GALNTL6: variants seen among roughly 807,000 people sequenced by gnomAD.
GALNTL6 encodes the protein polypeptide N-acetylgalactosaminyltransferase like 6, also known as polypeptide N-acetylgalactosaminyltransferase-like 6.
In GALNTL6, 46 loss-of-function variants were observed where a neutral mutation model predicts 73.7. The observed-to-expected ratio is 0.62, with a 90% CI of 0.49 to 0.80. The LOEUF (loss-of-function observed/expected upper bound fraction) is 0.80. Among genes scored for constraint, GALNTL6 ranks in the 30% least tolerant of loss-of-function variants. The pLI is 0.00. For synonymous variants in GALNTL6, 259 were observed against 263.7 expected (o/e 0.98, Z 0.17); for missense variants, 604 against 755.0 (o/e 0.80, Z 2.34).
At chr4:171,831,274 T>A (rs913035104) in intron 2 of GALNTL6, among the ~76,000 whole-genome samples, 1 of 152,040 alleles carries the variant, frequency 6.6e-6, no homozygotes, top group Non-Finnish European at 1.5e-5. Flanking sequence ...AGGTAAAACA[T>A]GCGAAAGAGA....
At chr4:171,852,109 A>G (rs1324296095) in intron 2 of GALNTL6, among the ~76,000 whole-genome samples, 1 of 152,274 alleles carries the variant, frequency 6.6e-6, no homozygotes, top group Non-Finnish European at 1.5e-5. Flanking sequence ...ATCAGAAAAT[A>G]TCTAAAGGTA....
chr4:172,684,307 C>A (rs1732797540), intron 5 of GALNTL6, among the ~76,000 whole-genome samples: 1 of 152,156 alleles, frequency 6.6e-6, no homozygotes, highest in African/African-American at 2.4e-5. Context: ...TTCATGCATA[C>A]ATCTAGTTAT....
intron 2 of GALNTL6, among the ~76,000 whole-genome samples, chr4:171,894,747 A>C (rs1736861720): frequency 6.6e-6 from 1 of 152,184 alleles, no homozygotes; most frequent in Admixed American, 6.5e-5. Context: ...AATAGCTTCA[A>C]GTGCATTTTT....
chr4:172,328,999 C>T (rs1741033406), intron 4 of GALNTL6, among the ~76,000 whole-genome samples: 1 of 152,176 alleles, frequency 6.6e-6, no homozygotes. Flanking sequence ...GTTCCTTTAA[C>T]TGCTGGGCTG....
At chr4:172,052,998 G>A (rs967696420) in intron 2 of GALNTL6, among the ~76,000 whole-genome samples, 1 of 152,100 alleles carries the variant, frequency 6.6e-6, no homozygotes, top group Non-Finnish European at 1.5e-5. Flanking sequence ...ATGAGCACCA[G>A]GCAGCACAAT....
At chr4:172,385,691 T>C (rs1393594505) in intron 5 of GALNTL6, among the ~76,000 whole-genome samples, 2 of 152,096 alleles carry the variant, frequency 1.3e-5, no homozygotes, top group Non-Finnish European at 2.9e-5. Flanking sequence ...TGGATCATTT[T>C]TATAAAATCC....
chr4:172,362,399 T>G (rs1220548668), intron 5 of GALNTL6, among the ~76,000 whole-genome samples: 1 of 152,158 alleles, frequency 6.6e-6, no homozygotes, highest in Non-Finnish European at 1.5e-5. Context: ...ATTTATTTAA[T>G]GTAATAATTT....
chr4:171,870,593 G>C (rs963561320), intron 2 of GALNTL6, among the ~76,000 whole-genome samples: 6 of 151,976 alleles, frequency 3.9e-5, no homozygotes, highest in Admixed American at 2.0e-4. Flanking sequence ...TGTCCCTCAG[G>C]AATTCATATG....
intron 7 of GALNTL6, among the ~76,000 whole-genome samples, chr4:172,843,587 G>A (rs1743335406): frequency 6.6e-6 from 1 of 152,110 alleles, no homozygotes; most frequent in Admixed American, 6.5e-5. Flanking sequence ...CCATGCTCTG[G>A]TGTTCTGAAA....
intron 2 of GALNTL6, among the ~76,000 whole-genome samples, chr4:171,910,490 G>C (rs889608263): frequency 6.6e-6 from 1 of 151,574 alleles, no homozygotes; most frequent in Non-Finnish European, 1.5e-5. Flanking sequence ...ATTTGGAAAT[G>C]TCTTTTTTTT....
intron 2 of GALNTL6, among the ~76,000 whole-genome samples, chr4:172,208,137 A>G (rs976409491): frequency 6.6e-6 from 1 of 152,168 alleles, no homozygotes; most frequent in African/African-American, 2.4e-5. Context: ...GAGCATTACA[A>G]AGTGAGACCT....
At chr4:172,263,281 A>C (rs997961244) in intron 3 of GALNTL6, among the ~76,000 whole-genome samples, 3 of 151,392 alleles carry the variant, frequency 2.0e-5, no homozygotes, top group Non-Finnish European at 4.4e-5. Flanking sequence ...GATTTAACAT[A>C]ATCCCAGTTT....
chr4:172,396,854 T>C (rs1260574155), intron 5 of GALNTL6, among the ~76,000 whole-genome samples: 1 of 152,230 alleles, frequency 6.6e-6, no homozygotes, highest in Admixed American at 6.5e-5. Flanking sequence ...GTTAAATAAG[T>C]CATCCAGTAC....
rs150372297 is a variant in GALNTL6 at position 172,320,827 on chromosome 4, C to A, written c.386+9075C>A. On this transcript the variant is annotated intron_variant, in intron 4 of 12. Coordinates refer to ENST00000506823, the MANE Select transcript of GALNTL6 (RefSeq NM_001034845.3). The stretch of plus-strand genomic sequence containing the variant: ...CTACGAATACCACTGTCATCTCAGG[C>A]TGAATGTGGGCAACCCAAAGCCACA... 8.9e-4 allele frequency among the ~76,000 whole-genome samples: 136 copies of A among 152,270 alleles called. 1 individual carries two copies. Among genetic ancestry groups the A allele is most frequent in the African/African-American group, 3.2e-3 (131 of 41,556 alleles).
At chr4:172,678,310 GTCTTT>G (rs72267650) in intron 5 of GALNTL6, among the ~76,000 whole-genome samples, 63,963 of 151,286 alleles carry the variant, frequency 0.42, 15,702 homozygotes, top group East Asian at 0.68. Flanking sequence ...CCAGTTTTTA[GTCTTT>G]TCTTTTAAAG....
At chr4:172,630,925 C>A (rs1048381169) in intron 5 of GALNTL6, among the ~76,000 whole-genome samples, 1 of 150,434 alleles carries the variant, frequency 6.6e-6, no homozygotes, top group African/African-American at 2.4e-5. Flanking sequence ...AATTGGCCAA[C>A]AGAAAATAAA....
intron 5 of GALNTL6, among the ~76,000 whole-genome samples, chr4:172,407,254 C>A (rs955563971): frequency 6.6e-6 from 1 of 151,926 alleles, no homozygotes; most frequent in Admixed American, 6.6e-5. Flanking sequence ...GATCAATAAT[C>A]TGATTTAGGG....
intron 2 of GALNTL6, among the ~76,000 whole-genome samples, chr4:171,874,421 C>T (rs1736220299): frequency 6.6e-6 from 1 of 152,102 alleles, no homozygotes; most frequent in African/African-American, 2.4e-5. Context: ...AACTCCTGAC[C>T]TCAAATGACC....
chr4:171,840,060 G>A (rs1476048358), intron 2 of GALNTL6, among the ~76,000 whole-genome samples: 1 of 152,114 alleles, frequency 6.6e-6, no homozygotes, highest in African/African-American at 2.4e-5. Flanking sequence ...CTGAAGTAGT[G>A]CCGGCCAGGG....
Sources: allele counts gnomAD v4.1 joint callset (sites outside exome capture counted in the v4.1 genomes callset), GRCh38; gene constraint gnomAD v4.1.1; transcripts MANE v1.5; gene names NCBI Gene and HGNC (gene_info 2026-07-23, HGNC 2026-07-21).